Variants in SUGCT observed in about 807,000 individuals in gnomAD.
SUGCT encodes succinyl-CoA:glutarate-CoA transferase.
Under a neutral mutation model 55.0 loss-of-function variants are expected in SUGCT, and 41 were observed. The observed-to-expected ratio is 0.74, with a 90% CI of 0.58 to 0.97. The LOEUF is 0.97. SUGCT is among the 50% of genes least tolerant of loss of function. The pLI is 0.00. For missense variants in SUGCT, 568 were observed against 547.8 expected, an observed-to-expected ratio of 1.04 and a Z score of -0.37; for synonymous variants, 187 against 200.4, an observed-to-expected ratio of 0.93 and a Z score of 0.56.
In SUGCT at chr7:40,860,582, G is replaced by C; in HGVS notation, c.*103G>C. The C allele has an allele frequency of 8.2e-7, 1 of 1,217,452 alleles. No homozygotes were observed. The highest frequency in any genetic ancestry group is 1.1e-6 in the Non-Finnish European group (1 of 904,016). The allele number at this position is 1,217,452 out of a possible 1,614,324, so 75.4% of individuals were successfully genotyped here. On this transcript the variant is annotated 3_prime_UTR_variant, in exon 14 of 14. Transcript: ENST00000335693. The stretch of plus-strand genomic sequence containing the variant: ...CCAGTTCTGATACCACTAAAAAGAA[G>C]ATTTAGAGTAACTCCAGATTTCTTA...
intron 1 of SUGCT, among the ~76,000 whole-genome samples, chr7:40,156,133 A>C: frequency 6.6e-6 from 1 of 152,134 alleles, no homozygotes; most frequent in Non-Finnish European, 1.5e-5. Flanking sequence ...TTGGGATTAC[A>C]GGTGTGAGCC....
At chr7:40,524,989 T>C (rs192141384) in intron 12 of SUGCT, among the ~76,000 whole-genome samples, 1 of 152,328 alleles carries the variant, frequency 6.6e-6, no homozygotes, top group East Asian at 1.9e-4. Flanking sequence ...GCTTCTGGAA[T>C]AGCACTAGCT....
At chr7:41,038,456 G>A in the SUGCT span, among the ~76,000 whole-genome samples, 34 of 152,316 alleles carry the variant, frequency 2.2e-4, no homozygotes, top group African/African-American at 6.0e-4. Flanking sequence ...CTGTTTTTAC[G>A]TGGGACGTGG....
intron 11 of SUGCT, among the ~76,000 whole-genome samples, chr7:40,485,446 G>C (rs1241282084): frequency 1.0e-4 from 10 of 97,920 alleles, no homozygotes; most frequent in Non-Finnish European, 1.7e-4. Context: ...TTTTTTTGGA[G>C]ACTCGGTCTT....
chr7:40,283,233 CTTT>C (rs58223100), intron 8 of SUGCT, among the ~76,000 whole-genome samples: 2 of 144,086 alleles, frequency 1.4e-5, no homozygotes, highest in Non-Finnish European at 1.5e-5. Context: ...CTTTCTTTTT[CTTT>C]TTTTTTTTTT....
At chr7:40,408,362 G>C (rs1786493257) in intron 9 of SUGCT, among the ~76,000 whole-genome samples, 1 of 151,836 alleles carries the variant, frequency 6.6e-6, no homozygotes, top group Non-Finnish European at 1.5e-5. Context: ...ACTGACTTCT[G>C]CAAACCGAAG....
At chr7:40,397,112 T>C (rs1785776759) in intron 9 of SUGCT, among the ~76,000 whole-genome samples, 1 of 152,206 alleles carries the variant, frequency 6.6e-6, no homozygotes. Context: ...TGGTTAAAAA[T>C]GCATGCAGAG....
intron 1 of SUGCT, among the ~76,000 whole-genome samples, chr7:40,145,895 T>C (rs563166782): frequency 6.6e-6 from 1 of 152,330 alleles, no homozygotes; most frequent in South Asian, 2.1e-4. Context: ...TTTCCCTCAA[T>C]CACCTGGGAG....
intron 12 of SUGCT, among the ~76,000 whole-genome samples, chr7:40,632,688 A>T (rs900169147): frequency 6.6e-6 from 1 of 151,970 alleles, no homozygotes; most frequent in African/African-American, 2.4e-5. Context: ...TTCAAAAAAG[A>T]TTTGAATGTC....
chr7:40,212,236 G>A (rs1787382082), intron 6 of SUGCT, among the ~76,000 whole-genome samples: 1 of 151,488 alleles, frequency 6.6e-6, no homozygotes, highest in African/African-American at 2.4e-5. Flanking sequence ...AAGAGCCTGG[G>A]CAACATAGTG....
At chr7:40,393,421 T>G (rs1193851105) in intron 9 of SUGCT, among the ~76,000 whole-genome samples, 1 of 152,176 alleles carries the variant, frequency 6.6e-6, no homozygotes, top group Non-Finnish European at 1.5e-5. Flanking sequence ...TTTGATAGAA[T>G]GATCTTGACA....
chr7:40,955,236 C>T, the SUGCT span, among the ~76,000 whole-genome samples: 1 of 152,120 alleles, frequency 6.6e-6, no homozygotes, highest in Non-Finnish European at 1.5e-5. Flanking sequence ...AGCAGTATGG[C>T]CATTTTCACA....
intron 1 of SUGCT, among the ~76,000 whole-genome samples, chr7:40,156,190 G>A (rs1301022952): frequency 1.3e-5 from 2 of 152,226 alleles, no homozygotes; most frequent in East Asian, 1.9e-4. Context: ...CTGACTGGGC[G>A]TGGTGGCTCA....
chr7:40,329,799 T>A (rs1367161291), intron 9 of SUGCT, among the ~76,000 whole-genome samples: 1 of 152,228 alleles, frequency 6.6e-6, no homozygotes, highest in Non-Finnish European at 1.5e-5. Flanking sequence ...AATGGGGATT[T>A]GCAAGAATCC....
intron 13 of SUGCT, among the ~76,000 whole-genome samples, chr7:40,828,148 A>C (rs939702810): frequency 2.0e-5 from 3 of 152,234 alleles, no homozygotes; most frequent in Non-Finnish European, 4.4e-5. Flanking sequence ...TAGAACAGTA[A>C]CAGTAACCAG....
the SUGCT span, among the ~76,000 whole-genome samples, chr7:40,980,218 A>G: frequency 0.38 from 58,097 of 151,910 alleles, 11,205 homozygotes; most frequent in South Asian, 0.42. Context: ...TAATCCCATC[A>G]TGAGAGCTCC....
At chr7:40,358,788 A>C (rs1270575308) in intron 9 of SUGCT, among the ~76,000 whole-genome samples, 1 of 152,200 alleles carries the variant, frequency 6.6e-6, no homozygotes, top group Non-Finnish European at 1.5e-5. Context: ...AATTTTCGAC[A>C]AAGAAAGAAC....
intron 12 of SUGCT, among the ~76,000 whole-genome samples, chr7:40,580,264 A>G (rs1250783745): frequency 6.6e-6 from 1 of 152,192 alleles, no homozygotes; most frequent in African/African-American, 2.4e-5. Flanking sequence ...ACATACATTT[A>G]TCTATCTCTT....
chr7:40,545,827 A>T (rs776531820), intron 12 of SUGCT, among the ~76,000 whole-genome samples: 20 of 152,338 alleles, frequency 1.3e-4, no homozygotes, highest in Admixed American at 3.3e-4. Context: ...CTTTGGAAAT[A>T]CCCAGAGAAC....
Sources: allele counts gnomAD v4.1 joint callset (sites outside exome capture counted in the v4.1 genomes callset), GRCh38; gene constraint gnomAD v4.1.1; transcripts MANE v1.5; gene names NCBI Gene and HGNC (gene_info 2026-07-23, HGNC 2026-07-21).